Variants in NIPAL1 observed in about 807,000 individuals in gnomAD.
NIPAL1 encodes the protein magnesium transporter NIPA3.
In NIPAL1, 35 loss-of-function variants were observed where a neutral mutation model predicts 37.7. The ratio of observed to expected loss-of-function variants is 0.93; its 90% confidence interval spans 0.71 to 1.23. NIPAL1 has a LOEUF of 1.23. Ranked by LOEUF, NIPAL1 falls within the 50% of genes most tolerant of loss-of-function variation. NIPAL1 has a pLI of 0.00. For missense variants in NIPAL1, 412 were observed against 473.9 expected, an observed-to-expected ratio of 0.87 and a Z score of 1.21; for synonymous variants, 162 against 183.0, an observed-to-expected ratio of 0.89 and a Z score of 0.93.
At position 48,027,786 on chromosome 4, in the gene NIPAL1, CAG is replaced by C. The variant is rs1212255356; in HGVS notation, c.314-2332_314-2331del. ...ATTTTGTCCTTTTCAGTAGACAAAA[CAG>C]AAACTTGATTTCAGCATGACAAGGT... On this transcript the variant is annotated intron_variant, in intron 2 of 5. Transcript: ENST00000295461. The surrounding 1 kb of genome is among the most constrained non-coding windows in gnomAD (Gnocchi z 4.1). 6.6e-6 allele frequency among the ~76,000 whole-genome samples: 1 copy of C among 152,154 alleles called. No homozygotes were observed. The highest frequency in any genetic ancestry group is 1.5e-5 in the Non-Finnish European group (1 of 68,012).
chr4:48,016,964 G>A (rs1017007752), intron 1 of NIPAL1, 79 bp downstream of exon 1: 30 of 1,249,512 alleles, frequency 2.4e-5, no homozygotes, highest in Admixed American at 1.8e-4. Context: ...GACACTTGCG[G>A]AGACTGGAAA....
Position 48,037,797 on chromosome 4 carries a change from A to G in NIPAL1, c.*1625A>G, listed in dbSNP as rs1468399547. On this transcript the variant is annotated 3_prime_UTR_variant, in exon 6 of 6. Transcript: ENST00000295461. Reference sequence around the variant, plus strand: ...ATTTCAAATGCATGGCAGGAATAACATTTTTGGTGGTCTTTAATGTGATGG... The same window carrying G: ...ATTTCAAATGCATGGCAGGAATAACGTTTTTGGTGGTCTTTAATGTGATGG... 6.6e-6 allele frequency: 1 copy of G among 152,142 alleles called. No homozygotes were observed. The highest frequency in any genetic ancestry group is 2.4e-5 in the African/African-American group (1 of 41,422). The allele number at this position is 152,142 out of a possible 1,614,324, so 9.4% of individuals were successfully genotyped here.
At chr4:48,028,116 G>C (rs1246151055) in intron 2 of NIPAL1, among the ~76,000 whole-genome samples, 1 of 152,000 alleles carries the variant, frequency 6.6e-6, no homozygotes, top group Non-Finnish European at 1.5e-5. Flanking sequence ...CATACAGAAA[G>C]TTTTAAGCAA....
At chr4:48,021,288 A>G (rs1715561617) in intron 1 of NIPAL1, among the ~76,000 whole-genome samples, 1 of 141,376 alleles carries the variant, frequency 7.1e-6, no homozygotes, top group African/African-American at 2.6e-5. Flanking sequence ...TTATGATCAA[A>G]CTTTAGAATC....
At chr4:48,021,375 G>A (rs539098154) in intron 1 of NIPAL1, among the ~76,000 whole-genome samples, 104 of 152,170 alleles carry the variant, frequency 6.8e-4, no homozygotes, top group Middle Eastern at 3.2e-3. Context: ...CATGATTATA[G>A]ATAGTAGATC....
In NIPAL1 at chr4:48,035,762, C is replaced by G. The variant is rs775684963; in HGVS notation, c.823C>G (p.Leu275Val). Residue 275 changes from leucine to valine, a missense_variant, in exon 6 of 6, where the codon CTG becomes GTG. Physicochemically the swap from Leu to Val is conservative, Grantham distance 32. Transcript: ENST00000295461. ...ATGGAAGCCAGTTTACAAACATCCG[C>G]TGGTCTTTGTTTTGCTGGCTGTACT... The part of the protein sequence containing the change: ...IEWKPVYKHP[L>V]VFVLLAVLVL... 1 of 1,614,182 alleles carries G rather than the reference C, an allele frequency of 6.2e-7. No homozygotes were observed. Among genetic ancestry groups the G allele is most frequent in the Admixed American group, 1.7e-5 (1 of 60,022 alleles).
chr4:48,024,703 G>A (rs1163001737), intron 1 of NIPAL1, among the ~76,000 whole-genome samples: 1 of 152,136 alleles, frequency 6.6e-6, no homozygotes, highest in Non-Finnish European at 1.5e-5. Flanking sequence ...GGATGTGATG[G>A]GCTGTGTTGA....
rs113053022 is a variant in NIPAL1 at position 48,021,824 on chromosome 4, G to A, written c.47-3244G>A. On this transcript the variant is annotated intron_variant, in intron 1 of 5. Coordinates refer to ENST00000295461, the MANE Select transcript of NIPAL1 (RefSeq NM_207330.3). Reference sequence around the variant, plus strand: ...CAAAAGAATGTTAAAGAGAAAATCAGGATAGTTACTAACTCTGAGGGGTGA... The same window carrying A: ...CAAAAGAATGTTAAAGAGAAAATCAAGATAGTTACTAACTCTGAGGGGTGA... Among the ~76,000 whole-genome samples, 57 of 151,938 alleles carry A rather than the reference G, an allele frequency of 3.8e-4. 1 individual carries two copies. The highest frequency in any genetic ancestry group is 1.2e-3 in the African/African-American group (49 of 41,462).
rs1017830175 is a variant in NIPAL1 at position 48,038,908 on chromosome 4, C to T, written c.*2736C>T. 6.6e-6 allele frequency: 1 copy of T among 151,970 alleles called. No individual in the cohort carries two copies. Among genetic ancestry groups the T allele is most frequent in the African/African-American group, 2.4e-5 (1 of 41,348 alleles). The allele number at this position is 151,970 out of a possible 1,614,324, so 9.4% of individuals were successfully genotyped here. ...GGACAGGAAATTGAACTGATGTTGACATGTATGCATGCCCAGGAGGAAGAC... is the reference window on the plus strand; with the variant it reads ...GGACAGGAAATTGAACTGATGTTGATATGTATGCATGCCCAGGAGGAAGAC... On this transcript the variant is annotated 3_prime_UTR_variant, in exon 6 of 6. Coordinates refer to ENST00000295461, the MANE Select transcript of NIPAL1 (RefSeq NM_207330.3).
Position 48,035,888 on chromosome 4 carries a change from A to C in NIPAL1, c.949A>C (p.Met317Leu). The change falls in exon 6 of 6, where the codon ATG (methionine) becomes CTG (leucine). Residue 317 changes from methionine to leucine, a missense_variant. Transcript: ENST00000295461. ...TPIYYVFFTS[M>L]VVTCSAILFQ... ...CATTTATTATGTATTCTTCACATCC[A>C]TGGTAGTGACTTGCTCTGCCATCTT... 1 of 1,614,000 alleles carries C rather than the reference A, an allele frequency of 6.2e-7. No individual in the cohort carries two copies. The highest frequency in any genetic ancestry group is 1.6e-4 in the Middle Eastern group (1 of 6,062).
At chr4:48,029,152 C>G (rs55670663) in intron 2 of NIPAL1, among the ~76,000 whole-genome samples, 31,817 of 152,110 alleles carry the variant, frequency 0.21, 3,361 homozygotes, top group Middle Eastern at 0.26. Context: ...ACACCAAAGT[C>G]ATGAAATCAA....
In NIPAL1 at chr4:48,016,833, C is replaced by A; in HGVS notation, c.-7C>A. 6.3e-7 allele frequency: 1 copy of A among 1,577,674 alleles called. No individual in the cohort carries two copies. The highest frequency in any genetic ancestry group is 2.3e-5 in the East Asian group (1 of 43,154). ...CGCCCGCGTTCCGGAAGCCCGCTCC[C>A]GGGGCCATGGGGGCACAGGTGAGGC... On this transcript the variant is annotated 5_prime_UTR_variant, in exon 1 of 6. Transcript: ENST00000295461.
At chr4:48,032,085 TG>T (rs1370336729) in intron 3 of NIPAL1, among the ~76,000 whole-genome samples, 1 of 152,226 alleles carries the variant, frequency 6.6e-6, no homozygotes, top group Non-Finnish European at 1.5e-5. Context: ...TATTCTGTTC[TG>T]TAAATTTAGA....
chr4:48,033,167 A>G, intron 4 of NIPAL1, 84 bp downstream of exon 4: 1 of 844,930 alleles, frequency 1.2e-6, no homozygotes, highest in Non-Finnish European at 1.9e-6. Context: ...ATGGCTATGG[A>G]TATCTAAAAG....
intron 1 of NIPAL1, among the ~76,000 whole-genome samples, chr4:48,024,371 T>C (rs1309158378): frequency 6.6e-6 from 1 of 152,148 alleles, no homozygotes. Flanking sequence ...TTCATCCTCC[T>C]GGGCTCAAGC....
intron 4 of NIPAL1, among the ~76,000 whole-genome samples, chr4:48,033,434 T>G (rs1715863128): frequency 6.6e-6 from 1 of 152,242 alleles, no homozygotes; most frequent in Non-Finnish European, 1.5e-5. Flanking sequence ...CCTACTAACA[T>G]AAATGTGTTT....
chr4:48,034,905 A>T lies in NIPAL1; in HGVS notation c.486A>T (p.Leu162Phe). The change falls in exon 5 of 6, where the codon TTA becomes TTT. Residue 162 changes from leucine (L) to phenylalanine (F), a missense_variant. By Grantham distance (22) the Leu-to-Phe change is conservative. Coordinates refer to ENST00000295461, the MANE Select transcript of NIPAL1 (RefSeq NM_207330.3). ...GTGCAATATTATCTTCCTACTTTTTAAACGAGCACTTGAACATTCATGGGA... is the reference window on the plus strand; with the variant it reads ...GTGCAATATTATCTTCCTACTTTTTTAACGAGCACTTGAACATTCATGGGA... ...LISAILSSYF[L>F]NEHLNIHGKI... The T allele has an allele frequency of 6.2e-7, 1 of 1,613,152 alleles. No homozygotes were observed. The highest frequency in any genetic ancestry group is 2.2e-5 in the East Asian group (1 of 44,870).
chr4:48,031,884 G>A (rs555199745), intron 3 of NIPAL1, among the ~76,000 whole-genome samples: 4 of 151,836 alleles, frequency 2.6e-5, no homozygotes, highest in African/African-American at 9.7e-5. Flanking sequence ...GATTAAAAAC[G>A]CTTGCCACCA....
chr4:48,038,888 G>A lies in NIPAL1; in HGVS notation c.*2716G>A, dbSNP rs184864375. ...CAAGGCTCATTGTGTACCCTGGACA[G>A]GAAATTGAACTGATGTTGACATGTA... is the stretch of plus-strand genomic sequence containing the variant. On this transcript the variant is annotated 3_prime_UTR_variant, in exon 6 of 6. Coordinates refer to ENST00000295461, the MANE Select transcript of NIPAL1 (RefSeq NM_207330.3). 3 of 152,096 alleles carry A rather than the reference G, an allele frequency of 2.0e-5. No individual in the cohort carries two copies. Among genetic ancestry groups the A allele is most frequent in the Non-Finnish European group, 4.4e-5 (3 of 68,022 alleles). The allele number at this position is 152,096 out of a possible 1,614,324, so 9.4% of individuals were successfully genotyped here.
Sources: gnomAD v4.1 joint callset for allele counts (sites outside exome capture counted in the v4.1 genomes callset) on GRCh38, gnomAD v4.1.1 for gene constraint, Gnocchi (gnomAD v3.1) non-coding constraint, MANE v1.5 for transcripts, NCBI Gene and HGNC (gene_info 2026-07-23, HGNC 2026-07-21) for gene names.